DERPC: variants seen among roughly 807,000 people sequenced by gnomAD.
The protein encoded by DERPC is decreased expression in renal and prostate cancer protein.
A neutral mutation model predicts 7.2 loss-of-function variants in DERPC; 1 was observed. That is an observed-to-expected ratio of 0.14 (90% CI 0.05 to 0.66). The LOEUF (loss-of-function observed/expected upper bound fraction) is 0.66, where lower values mean the gene tolerates loss of function less well. Among genes scored for constraint, DERPC ranks in the 30% least tolerant of loss-of-function variants. DERPC has a pLI of 0.84. For synonymous variants in DERPC, 185 were observed against 117.6 expected (o/e 1.57, Z -3.71); for missense variants, 502 against 299.4 (o/e 1.68, Z -4.99).
At position 69,118,719 on chromosome 16, in the gene DERPC, A is replaced by G. The variant is rs1597104909; in HGVS notation, c.*135T>C. 2.6e-5 allele frequency: 17 copies of G among 645,714 alleles called. No individual in the cohort carries two copies. In the East Asian group the frequency reaches 4.6e-4, roughly 18 times the overall value. 40.0% of individuals were successfully genotyped at this position (645,714 alleles called of 1,614,324 possible). A position where few individuals can be genotyped will look rare whatever the true frequency, so the allele number is the denominator to read the frequency against. ...CAGTCAAGAAAAACGCAAAGGAAAA[A>G]GATGGCTCATTTGAACTTGAGCCCA... is the stretch of plus-strand genomic sequence containing the variant. On this transcript the variant is annotated 3_prime_UTR_variant, in exon 3 of 3. Coordinates refer to ENST00000519520, the MANE Select transcript of DERPC (RefSeq NM_001002847.4).
At chr16:69,130,720 A>T (rs1399043743) in intron 1 of DERPC, among the ~76,000 whole-genome samples, 1 of 152,248 alleles carries the variant, frequency 6.6e-6, no homozygotes, top group South Asian at 2.1e-4. Context: ...TCGATTTCCC[A>T]GAGAAAGGTG....
At chr16:69,121,032 G>A (rs372766597) in intron 2 of DERPC, 2 of 1,596,086 alleles carry the variant, frequency 1.3e-6, no homozygotes, top group Non-Finnish European at 1.7e-6. Flanking sequence ...GCATTAGGCA[G>A]GGAAAGAAAA....
Position 69,120,495 on chromosome 16 carries a change from A to G in DERPC, c.-67T>C. ...TTTGAAAAGGATCTTGTCTTTGATG[A>G]GTGCTGTCACCAGGTACCGGGTGCC... On this transcript the variant is annotated 5_prime_UTR_variant, in exon 3 of 3. Transcript: ENST00000519520. This position sits in a 1 kb window ranked among gnomAD's most constrained non-coding sequence, Gnocchi z 4.0. 6.2e-7 allele frequency: 1 copy of G among 1,614,044 alleles called. No homozygotes were observed. The highest frequency in any genetic ancestry group is 8.5e-7 in the Non-Finnish European group (1 of 1,180,018).
At chr16:69,126,341 G>A (rs938161491) in intron 1 of DERPC, among the ~76,000 whole-genome samples, 3 of 152,214 alleles carry the variant, frequency 2.0e-5, no homozygotes, top group African/African-American at 7.2e-5. Flanking sequence ...GTTCTGAACA[G>A]GAATTCAGAA....
Position 69,121,502 on chromosome 16 carries a change from A to T in DERPC, c.-279-9T>A, listed in dbSNP as rs749100832. On this transcript the variant is annotated splice_polypyrimidine_tract_variant and intron_variant, in intron 1 of 2. Coordinates refer to ENST00000519520, the MANE Select transcript of DERPC (RefSeq NM_001002847.4). ...AAGCAAGTGAAAACAAGCTGTAGAG[A>T]GAAAAAAAGAGATTTAGGGTAATAA... 2 of 1,530,218 alleles carry T rather than the reference A, an allele frequency of 1.3e-6. No individual in the cohort carries two copies. Among genetic ancestry groups the T allele is most frequent in the African/African-American group, 2.8e-5 (2 of 71,776 alleles). The allele number at this position is 1,530,218 out of a possible 1,614,324, so 94.8% of individuals were successfully genotyped here.
At chr16:69,131,244 C>G (rs1050708936) in intron 1 of DERPC, 1 of 152,106 alleles carries the variant, frequency 6.6e-6, no homozygotes, top group South Asian at 2.1e-4. Context: ...TATGCATACA[C>G]GTGATACTTC....
intron 1 of DERPC, among the ~76,000 whole-genome samples, chr16:69,121,919 T>C (rs573898580): frequency 2.0e-5 from 3 of 152,292 alleles, no homozygotes; most frequent in East Asian, 1.9e-4. Context: ...TCCACCCACC[T>C]TGGCCTCCCA....
In DERPC at chr16:69,123,925, T is replaced by TAAA. The variant is rs757493986; in HGVS notation, c.-279-2435_-279-2433dup. ...CAACATGATGAAACCCCATCTCTAC[T>TAAA]AAAAAAAAAAAAAAAAAAAAAACAA... is the stretch of plus-strand genomic sequence containing the variant. On this transcript the variant is annotated intron_variant, in intron 1 of 2. Transcript: ENST00000519520. Among the ~76,000 whole-genome samples the TAAA allele has an allele frequency of 2.1e-3, 158 of 76,916 alleles. 2 individuals carry two copies. The highest frequency in any genetic ancestry group is 5.5e-3 in the African/African-American group (112 of 20,492). 50.5% of individuals were successfully genotyped at this position (76,916 alleles called of 152,430 possible).
At chr16:69,124,671 A>G (rs1044980520) in intron 1 of DERPC, among the ~76,000 whole-genome samples, 1 of 151,762 alleles carries the variant, frequency 6.6e-6, no homozygotes, top group African/African-American at 2.4e-5. Flanking sequence ...CACCACCCCC[A>G]GCCGATTTCT....
intron 1 of DERPC, among the ~76,000 whole-genome samples, chr16:69,128,349 G>T (rs1036032946): frequency 2.0e-5 from 3 of 152,172 alleles, no homozygotes; most frequent in African/African-American, 4.8e-5. Flanking sequence ...TTTTCAAAAA[G>T]ATTTAAATTC....
chr16:69,126,686 T>A (rs1380060549), intron 1 of DERPC, among the ~76,000 whole-genome samples: 1 of 152,234 alleles, frequency 6.6e-6, no homozygotes, highest in Non-Finnish European at 1.5e-5. Flanking sequence ...TGGCTACAGT[T>A]AGGTAATTTA....
chr16:69,123,769 A>G (rs1037886061), intron 1 of DERPC, among the ~76,000 whole-genome samples: 2 of 152,106 alleles, frequency 1.3e-5, no homozygotes, highest in Admixed American at 1.3e-4. Flanking sequence ...TTTCACTTAG[A>G]TATGAAAATA....
chr16:69,128,013 CAG>C (rs1200297749), intron 1 of DERPC, among the ~76,000 whole-genome samples: 2 of 152,092 alleles, frequency 1.3e-5, no homozygotes, highest in Non-Finnish European at 2.9e-5. Flanking sequence ...TGCCCAGGAT[CAG>C]GGGATTCTCC....
intron 1 of DERPC, among the ~76,000 whole-genome samples, chr16:69,129,372 G>C (rs1202093081): frequency 6.9e-6 from 1 of 143,928 alleles, no homozygotes; most frequent in Non-Finnish European, 1.5e-5. Flanking sequence ...AGAGGTTGCA[G>C]TGAGCCGACA....
At chr16:69,125,940 T>C (rs990210823) in intron 1 of DERPC, among the ~76,000 whole-genome samples, 7 of 152,186 alleles carry the variant, frequency 4.6e-5, no homozygotes, top group African/African-American at 1.4e-4. Context: ...CCAAGTTCTA[T>C]TGAGATGAAC....
In DERPC at chr16:69,120,320, C is replaced by T. The variant is rs759357846; in HGVS notation, c.109G>A (p.Val37Ile). 7 of 1,111,954 alleles carry T rather than the reference C, an allele frequency of 6.3e-6. No individual in the cohort carries two copies. Among genetic ancestry groups the T allele is most frequent in the Admixed American group, 5.6e-5 (3 of 53,778 alleles). 68.9% of individuals were successfully genotyped at this position (1,111,954 alleles called of 1,614,324 possible). ...CCCAGTGGGTGGCCTGTGTTCAGAA[C>T]AGGACCCCCCTGTGGTCCCAGGGAA... ...DGSLGPQGGP[V>I]LNTGHPLGVN... Residue 37 changes from valine to isoleucine, a missense_variant, in exon 3 of 3, where the codon GTT becomes ATT. By Grantham distance (29) the Val-to-Ile change is conservative. Coordinates refer to ENST00000519520, the MANE Select transcript of DERPC (RefSeq NM_001002847.4). This position sits in a 1 kb window ranked among gnomAD's most constrained non-coding sequence, Gnocchi z 4.0.
At chr16:69,126,982 C>T (rs1197672383) in intron 1 of DERPC, among the ~76,000 whole-genome samples, 6 of 152,246 alleles carry the variant, frequency 3.9e-5, no homozygotes, top group Non-Finnish European at 8.8e-5. Context: ...CGCGGTGGCT[C>T]ATGCCTGTAA....
chr16:69,130,088 G>A (rs937338265), intron 1 of DERPC, among the ~76,000 whole-genome samples: 1 of 152,168 alleles, frequency 6.6e-6, no homozygotes, highest in Non-Finnish European at 1.5e-5. Context: ...TCTCTGAATT[G>A]TTAAATATTA....
chr16:69,132,437 G>T, intron 1 of DERPC, 47 bp downstream of exon 1: 1 of 171,916 alleles, frequency 5.8e-6, no homozygotes, highest in South Asian at 1.3e-4. Context: ...ATCCCGGCTC[G>T]GCCCTCGCTC....
Sources: allele counts gnomAD v4.1 joint callset (sites outside exome capture counted in the v4.1 genomes callset), GRCh38; gene constraint gnomAD v4.1.1; non-coding constraint Gnocchi (gnomAD v3.1); transcripts MANE v1.5; gene names NCBI Gene and HGNC (gene_info 2026-07-23, HGNC 2026-07-21).